Variants in VRK2 observed in about 807,000 individuals in gnomAD.
The protein encoded by VRK2 is VRK serine/threonine kinase 2.
Under a neutral mutation model 57.6 loss-of-function variants are expected in VRK2, and 60 were observed. The ratio of observed to expected loss-of-function variants is 1.04; its 90% CI spans 0.85 to 1.29. The LOEUF is 1.29. Among genes scored for constraint, VRK2 ranks in the 50% most tolerant of loss-of-function variants. The probability of loss-of-function intolerance (pLI) is 0.00; values close to 1 mark genes in which losing one functional copy is unlikely to be tolerated. For missense variants in VRK2, 705 were observed against 588.1 expected (o/e 1.20, Z -2.06); for synonymous variants, 231 against 199.2 (o/e 1.16, Z -1.35).
chr2:58,116,794 C>T lies in VRK2; in HGVS notation c.544-6307C>T, dbSNP rs145085611. ...AACAGTCCGATTTCCCATGGGGTCC[C>T]GCACAGATGGGACACGGCTTAGGAG... On this transcript the variant is annotated intron_variant, in intron 7 of 12. Transcript: ENST00000340157. Among the ~76,000 whole-genome samples, 179 of 152,258 alleles carry T rather than the reference C, an allele frequency of 1.2e-3. 4 individuals are homozygous for T. In the East Asian group the frequency reaches 0.031, roughly 26 times the overall value.
At chr2:58,098,045 T>C (rs549171317) in intron 7 of VRK2, among the ~76,000 whole-genome samples, 2 of 152,010 alleles carry the variant, frequency 1.3e-5, no homozygotes, top group Non-Finnish European at 2.9e-5. Flanking sequence ...GACAGTGATA[T>C]TCATGATCTT....
At chr2:58,041,528 G>A (rs1674455256) in intron 3 of VRK2, among the ~76,000 whole-genome samples, 2 of 151,934 alleles carry the variant, frequency 1.3e-5, no homozygotes, top group Non-Finnish European at 2.9e-5. Flanking sequence ...GTAGCAATAA[G>A]ATACCAACAT....
chr2:58,135,577 T>A (rs1405424124), intron 10 of VRK2, among the ~76,000 whole-genome samples: 1 of 151,960 alleles, frequency 6.6e-6, no homozygotes, highest in Admixed American at 6.6e-5. Context: ...AAAGTTGACC[T>A]AAGGAAAAAC....
intron 1 of VRK2, among the ~76,000 whole-genome samples, chr2:58,025,490 A>G (rs1304391615): frequency 6.6e-6 from 1 of 152,164 alleles, no homozygotes; most frequent in Non-Finnish European, 1.5e-5. Flanking sequence ...TTTTCATTTT[A>G]ATCAAAATGT....
intron 1 of VRK2, among the ~76,000 whole-genome samples, chr2:58,022,470 G>A (rs1357429661): frequency 6.6e-6 from 1 of 152,196 alleles, no homozygotes; most frequent in Non-Finnish European, 1.5e-5. Flanking sequence ...AAGCAACAAG[G>A]CAGATTTTGT....
intron 7 of VRK2, among the ~76,000 whole-genome samples, chr2:58,097,972 G>C (rs1334844612): frequency 6.6e-6 from 1 of 152,052 alleles, no homozygotes; most frequent in South Asian, 2.1e-4. Context: ...TGTTATCATC[G>C]GAGAGGACAG....
intron 7 of VRK2, among the ~76,000 whole-genome samples, chr2:58,118,749 C>T (rs1024915058): frequency 3.9e-5 from 6 of 152,166 alleles, no homozygotes. Flanking sequence ...GTGTGAGCAG[C>T]ATGGCTGTTT....
At chr2:57,915,956 G>A (rs1046534312) in intron 1 of VRK2, among the ~76,000 whole-genome samples, 1 of 152,078 alleles carries the variant, frequency 6.6e-6, no homozygotes, top group African/African-American at 2.4e-5. Flanking sequence ...GCCTGATGAG[G>A]TGAAACAGTT....
chr2:57,920,281 T>C (rs1572860798), intron 1 of VRK2, among the ~76,000 whole-genome samples: 1 of 152,234 alleles, frequency 6.6e-6, no homozygotes, highest in South Asian at 2.1e-4. Context: ...CTCTGTTTAG[T>C]TGACTCATAT....
At chr2:58,103,287 TA>T (rs533803913) in intron 7 of VRK2, among the ~76,000 whole-genome samples, 90 of 150,804 alleles carry the variant, frequency 6.0e-4, no homozygotes, top group Middle Eastern at 3.4e-3. Flanking sequence ...AAAATTAAAA[TA>T]AAAAAATCAA....
intron 1 of VRK2, among the ~76,000 whole-genome samples, chr2:57,974,429 T>TAGTA (rs1672186542): frequency 6.6e-6 from 1 of 151,846 alleles, no homozygotes; most frequent in Admixed American, 6.6e-5. Context: ...ATTGTCTACG[T>TAGTA]AGTAAGATGT....
chr2:58,010,896 G>A (rs1231075975), intron 1 of VRK2, among the ~76,000 whole-genome samples: 1 of 152,044 alleles, frequency 6.6e-6, no homozygotes, highest in African/African-American at 2.4e-5. Context: ...TTAAAACAGG[G>A]CCTGGCCCTG....
At chr2:58,146,967 T>G (rs188866813) in intron 12 of VRK2, among the ~76,000 whole-genome samples, 3 of 152,088 alleles carry the variant, frequency 2.0e-5, no homozygotes, top group Admixed American at 6.6e-5. Context: ...TAACCTTTTT[T>G]GACAACAAGG....
chr2:58,075,848 T>C (rs1193617256), intron 2 of VRK2, among the ~76,000 whole-genome samples: 1 of 129,730 alleles, frequency 7.7e-6, no homozygotes, highest in East Asian at 2.3e-4. Flanking sequence ...TGTGAGAACA[T>C]GGAGGGCTTA....
At chr2:58,079,768 T>C (rs1308374511) in intron 2 of VRK2, among the ~76,000 whole-genome samples, 15 of 151,930 alleles carry the variant, frequency 9.9e-5, no homozygotes, top group Admixed American at 9.8e-4. Flanking sequence ...ATCAGCCATT[T>C]CTCCAAGGAG....
chr2:57,926,714 T>C (rs930808081), intron 1 of VRK2, among the ~76,000 whole-genome samples: 1 of 151,774 alleles, frequency 6.6e-6, no homozygotes, highest in African/African-American at 2.4e-5. Flanking sequence ...TTCCATCCCT[T>C]TTTTTAGTCT....
intron 2 of VRK2, among the ~76,000 whole-genome samples, chr2:58,079,165 A>C (rs539382560): frequency 8.5e-5 from 13 of 152,294 alleles, no homozygotes; most frequent in African/African-American, 3.1e-4. Flanking sequence ...TAGTAAGAAT[A>C]TCATAGAAAT....
chr2:57,932,989 T>C (rs1349750709), intron 1 of VRK2, among the ~76,000 whole-genome samples: 1 of 152,176 alleles, frequency 6.6e-6, no homozygotes, highest in Non-Finnish European at 1.5e-5. Flanking sequence ...TTCAATTTTA[T>C]TCCTGTTATT....
intron 1 of VRK2, among the ~76,000 whole-genome samples, chr2:58,022,983 A>T (rs1257205396): frequency 6.6e-6 from 1 of 152,244 alleles, no homozygotes; most frequent in Admixed American, 6.5e-5. Flanking sequence ...AATATACATA[A>T]CATAAAAGTT....
Sources: gnomAD v4.1 joint callset for allele counts (sites outside exome capture counted in the v4.1 genomes callset) on GRCh38, gnomAD v4.1.1 for gene constraint, MANE v1.5 for transcripts, NCBI Gene and HGNC (gene_info 2026-07-23, HGNC 2026-07-21) for gene names.